CRACD: variants seen among roughly 807,000 people sequenced by gnomAD.
CRACD encodes the protein capping protein-inhibiting regulator of actin dynamics.
Under a neutral mutation model 106.8 loss-of-function variants are expected in CRACD, and 56 were observed. The observed-to-expected ratio is 0.52, with a 90% CI of 0.42 to 0.66. CRACD has a LOEUF of 0.66. Among genes scored for constraint, CRACD ranks in the 30% least tolerant of loss-of-function variants. The pLI, the probability that CRACD is intolerant of heterozygous loss-of-function variation, is 0.00. For missense variants in CRACD, 1,730 were observed against 1,623.2 expected (o/e 1.07, Z -1.13); for synonymous variants, 754 against 670.8 (o/e 1.12, Z -1.92).
At chr4:56,322,676 G>A (rs767269501) in intron 8 of CRACD, among the ~76,000 whole-genome samples, 5 of 152,132 alleles carry the variant, frequency 3.3e-5, no homozygotes, top group African/African-American at 7.2e-5. Context: ...GGAGTTCCAC[G>A]TAGTATGTTC....
chr4:56,090,776 G>A (rs1733400977), intron 1 of CRACD, among the ~76,000 whole-genome samples: 1 of 152,136 alleles, frequency 6.6e-6, no homozygotes, highest in African/African-American at 2.4e-5. Context: ...TGAAAGTGTT[G>A]GTCCTTTTAG....
Position 56,327,777 on chromosome 4 carries a change from G to A in CRACD, c.3675G>A (p.Trp1225Ter). ...LALAKRKAKA[W>*]SDCPQIIK ...TGGCCAAAAGGAAAGCAAAGGCTTG[G>A]AGCGACTGTCCACAGATTATTAAGT... The change falls in exon 11 of 11, where the codon TGG becomes TGA. Residue 1225 changes from tryptophan to a stop codon, truncating the protein, a stop_gained. Transcript: ENST00000682029. LOFTEE classifies it high-confidence loss of function. 1 of 1,614,172 alleles carries A rather than the reference G, an allele frequency of 6.2e-7. No individual in the cohort carries two copies. Among genetic ancestry groups the A allele is most frequent in the East Asian group, 2.2e-5 (1 of 44,882 alleles).
intron 1 of CRACD, among the ~76,000 whole-genome samples, chr4:56,139,570 C>T (rs1735123127): frequency 6.6e-6 from 1 of 152,184 alleles, no homozygotes; most frequent in African/African-American, 2.4e-5. Flanking sequence ...GGGGCAATGT[C>T]TGCTCAGTTT....
chr4:56,066,287 ATTAC>A (rs1311231485), intron 1 of CRACD, among the ~76,000 whole-genome samples: 1 of 152,164 alleles, frequency 6.6e-6, no homozygotes, highest in East Asian at 1.9e-4. Flanking sequence ...CAACTGTATT[ATTAC>A]TTCTCTTTTT....
chr4:56,098,832 G>A (rs1239232774), intron 1 of CRACD, among the ~76,000 whole-genome samples: 4 of 151,984 alleles, frequency 2.6e-5, no homozygotes, highest in South Asian at 4.1e-4. Flanking sequence ...GCACCACCAC[G>A]CCCGGCTAAT....
chr4:56,277,090 T>A (rs1742717393), intron 3 of CRACD, among the ~76,000 whole-genome samples: 1 of 152,074 alleles, frequency 6.6e-6, no homozygotes, highest in African/African-American at 2.4e-5. Flanking sequence ...GAAATTTTCA[T>A]GGAAGAAGGA....
intron 3 of CRACD, among the ~76,000 whole-genome samples, chr4:56,280,371 T>C (rs886371394): frequency 1.3e-5 from 2 of 151,976 alleles, no homozygotes; most frequent in African/African-American, 4.8e-5. Flanking sequence ...GCTTGTTTCT[T>C]GAATAGCCCC....
rs1290545245 is a variant in CRACD, at chr4:56,271,222, G to A, written c.-188-1099G>A. 2.0e-5 allele frequency among the ~76,000 whole-genome samples: 3 copies of A among 152,198 alleles called. No homozygotes were observed. In the East Asian group the frequency reaches 5.8e-4, roughly 29 times the overall value. On this transcript the variant is annotated intron_variant, in intron 2 of 10. Transcript: ENST00000682029. ...GAAGATGCTGCTTCTGGTAGAGGGT[G>A]ACTTACACTTTCTTTTCCAAGGAAA...
At chr4:56,258,712 T>C (rs1371428197) in intron 2 of CRACD, among the ~76,000 whole-genome samples, 1 of 152,218 alleles carries the variant, frequency 6.6e-6, no homozygotes, top group Non-Finnish European at 1.5e-5. Flanking sequence ...GTGTATCTGA[T>C]TGTTCATTTT....
intron 2 of CRACD, among the ~76,000 whole-genome samples, chr4:56,199,699 G>GA (rs200405228): frequency 0.16 from 21,128 of 134,782 alleles, 2,711 homozygotes; most frequent in East Asian, 0.57. Context: ...AAAAAGAAAA[G>GA]AAAAAAAAAG....
rs369460638 is a variant in CRACD at position 56,066,308 on chromosome 4, T to G, written c.-336+17009T>G. 7.4e-4 allele frequency among the ~76,000 whole-genome samples: 112 copies of G among 152,298 alleles called. 1 individual carries two copies. The highest frequency in any genetic ancestry group is 2.6e-3 in the African/African-American group (108 of 41,556). The stretch of plus-strand genomic sequence containing the variant: ...TATTATTACTTCTCTTTTTAAGGGT[T>G]TTTTGGAGCATTCTTAAGTACATCA... On this transcript the variant is annotated intron_variant, in intron 1 of 10. Transcript: ENST00000682029.
At chr4:56,195,778 T>A (rs1053439843) in intron 2 of CRACD, among the ~76,000 whole-genome samples, 3 of 152,230 alleles carry the variant, frequency 2.0e-5, no homozygotes, top group African/African-American at 7.2e-5. Flanking sequence ...GAAAACATTA[T>A]CATTATCTTG....
chr4:56,317,687 A>T (rs1398455614), intron 8 of CRACD, among the ~76,000 whole-genome samples: 1 of 152,036 alleles, frequency 6.6e-6, no homozygotes, highest in Non-Finnish European at 1.5e-5. Context: ...TCTCTATGGG[A>T]TAATTGACTG....
chr4:56,146,563 T>TCC (rs5858365), intron 1 of CRACD, among the ~76,000 whole-genome samples: 1 of 134,274 alleles, frequency 7.4e-6, no homozygotes, highest in African/African-American at 2.8e-5. Flanking sequence ...ATGCTATCCC[T>TCC]CCCCCCTCCC....
intron 2 of CRACD, among the ~76,000 whole-genome samples, chr4:56,231,999 A>G (rs1739650273): frequency 6.6e-6 from 1 of 152,220 alleles, no homozygotes; most frequent in African/African-American, 2.4e-5. Context: ...TTAGTGAGTA[A>G]TGGTGTTTAT....
intron 1 of CRACD, among the ~76,000 whole-genome samples, chr4:56,108,828 C>G (rs139436126): frequency 1.9e-3 from 292 of 152,308 alleles, no homozygotes; most frequent in African/African-American, 6.8e-3. Flanking sequence ...TTAAGACTTT[C>G]ACTATTTCTT....
At chr4:56,092,774 A>G (rs897395063) in intron 1 of CRACD, among the ~76,000 whole-genome samples, 3 of 151,814 alleles carry the variant, frequency 2.0e-5, no homozygotes, top group Non-Finnish European at 4.4e-5. Flanking sequence ...GCTAATTTTT[A>G]AATTTTATTT....
chr4:56,096,806 A>G (rs1733615164), intron 1 of CRACD, among the ~76,000 whole-genome samples: 1 of 152,188 alleles, frequency 6.6e-6, no homozygotes. Context: ...AATTAGCTTA[A>G]GTGATAATAG....
chr4:56,198,204 T>C (rs1415258754), intron 2 of CRACD, among the ~76,000 whole-genome samples: 1 of 152,154 alleles, frequency 6.6e-6, no homozygotes, highest in Admixed American at 6.5e-5. Flanking sequence ...AAAACGTACA[T>C]ATAAAATGGC....
Sources: gnomAD v4.1 joint callset for allele counts (sites outside exome capture counted in the v4.1 genomes callset) on GRCh38, gnomAD v4.1.1 for gene constraint, MANE v1.5 for transcripts, NCBI Gene and HGNC (gene_info 2026-07-23, HGNC 2026-07-21) for gene names.